FLRT1: variants seen among roughly 807,000 people sequenced by gnomAD.
FLRT1 encodes leucine-rich repeat transmembrane protein FLRT1.
A neutral mutation model predicts 30.9 loss-of-function variants in FLRT1; 14 were observed. That is an observed-to-expected ratio of 0.45 (90% CI 0.30 to 0.71). The LOEUF (loss-of-function observed/expected upper bound fraction) is 0.71, where lower values mean the gene tolerates loss of function less well. Ranked by LOEUF, FLRT1 falls within the 30% of genes least tolerant of loss-of-function variation. FLRT1 has a pLI of 0.08. For missense variants in FLRT1, 737 were observed against 949.2 expected, an observed-to-expected ratio of 0.78 and a Z score of 2.94; for synonymous variants, 368 against 430.4, an observed-to-expected ratio of 0.85 and a Z score of 1.80.
chr11:64,113,582 CATGGATGGATGGATGGTTAGGTGGATGG>C (rs1944902138), intron 2 of FLRT1, among the ~76,000 whole-genome samples: 7 of 99,218 alleles, frequency 7.1e-5, no homozygotes, highest in Non-Finnish European at 1.0e-4. Flanking sequence ...GCATGGATAG[CATGGATGGATGGATGGTTAGGTGGATGG>C]ATGGATGGAT....
chr11:64,110,463 A>G (rs1046796787), intron 2 of FLRT1, among the ~76,000 whole-genome samples: 1 of 151,420 alleles, frequency 6.6e-6, no homozygotes, highest in African/African-American at 2.4e-5. Context: ...AAAAAAAAAA[A>G]GAAAGAAATC....
intron 1 of FLRT1, among the ~76,000 whole-genome samples, chr11:64,098,333 C>T (rs1944614128): frequency 6.6e-6 from 1 of 152,172 alleles, no homozygotes; most frequent in South Asian, 2.1e-4. Flanking sequence ...GGACACTGAC[C>T]TCTCACTATA....
Position 64,116,241 on chromosome 11 carries a change from G to T in FLRT1, c.-27G>T. ...CAGGTATTCAGGCTCCAGGCCAGGTGGGGCCGGACGCCCCCAGCCATCCAC... is the reference window on the plus strand; with the variant it reads ...CAGGTATTCAGGCTCCAGGCCAGGTTGGGCCGGACGCCCCCAGCCATCCAC... On this transcript the variant is annotated 5_prime_UTR_variant, in exon 3 of 3. Coordinates refer to ENST00000682287, the MANE Select transcript of FLRT1 (RefSeq NM_013280.5). The T allele has an allele frequency of 6.3e-7, 1 of 1,579,140 alleles. No individual in the cohort carries two copies.
At chr11:64,108,854 C>A (rs1310906422) in intron 2 of FLRT1, among the ~76,000 whole-genome samples, 1 of 152,142 alleles carries the variant, frequency 6.6e-6, no homozygotes, top group Non-Finnish European at 1.5e-5. Context: ...CCAAAGGACC[C>A]CAGGGTCTGC....
At chr11:64,100,993 C>T (rs1334505055) in intron 1 of FLRT1, among the ~76,000 whole-genome samples, 2 of 152,140 alleles carry the variant, frequency 1.3e-5, no homozygotes, top group Non-Finnish European at 2.9e-5. Flanking sequence ...TTATTAAGCA[C>T]CAACTGCATG....
intron 1 of FLRT1, among the ~76,000 whole-genome samples, chr11:64,101,684 G>C (rs558478273): frequency 2.6e-5 from 4 of 152,308 alleles, no homozygotes; most frequent in East Asian, 1.9e-4. Context: ...GCTCGTGCTA[G>C]AGCCGGCCGC....
In FLRT1 at chr11:64,090,807, G is replaced by A. The variant is rs182406063; in HGVS notation, c.-1037-12387G>A. Among the ~76,000 whole-genome samples, 911 of 152,064 alleles carry A rather than the reference G, an allele frequency of 6.0e-3. 8 individuals carry two copies. Among genetic ancestry groups the A allele is most frequent in the African/African-American group, 0.02 (842 of 41,470 alleles). ...CCAGGCACTTGGGGTTTGTCTCTGG[G>A]GCTCTGCAGAAGCAGAGCCCGAGTC... On this transcript the variant is annotated intron_variant, in intron 1 of 2. Transcript: ENST00000682287. The surrounding 1 kb of genome is among the most constrained non-coding windows in gnomAD (Gnocchi z 4.7).
chr11:64,094,023 G>A (rs375970717), intron 1 of FLRT1, among the ~76,000 whole-genome samples: 5 of 152,228 alleles, frequency 3.3e-5, no homozygotes, highest in Non-Finnish European at 7.3e-5. Context: ...AGGGCCGGGC[G>A]CAGTGGCTTA....
intron 1 of FLRT1, among the ~76,000 whole-genome samples, chr11:64,070,147 C>T (rs142156266): frequency 4.6e-5 from 7 of 152,212 alleles, no homozygotes; most frequent in Admixed American, 1.3e-4. Flanking sequence ...AACTGAGGCC[C>T]GGAGAGACCA....
In FLRT1 at chr11:64,103,988, G is replaced by T. The variant is rs11231696; in HGVS notation, c.-243G>T. ...CCTCTCTGTGCCCTGGGGAGCCCCA[G>T]TGCTGCCCAGTCACCCCAGGGCTGA... is the stretch of plus-strand genomic sequence containing the variant. On this transcript the variant is annotated 5_prime_UTR_variant, in exon 2 of 3. Coordinates refer to ENST00000682287, the MANE Select transcript of FLRT1 (RefSeq NM_013280.5). The T allele has an allele frequency of 0.089, 13,525 of 152,388 alleles. 1,973 individuals are homozygous for T. The highest frequency in any genetic ancestry group is 0.31 in the African/African-American group (12,665 of 41,476). 9.4% of individuals were successfully genotyped at this position (152,388 alleles called of 1,614,324 possible). A position where few individuals can be genotyped will look rare whatever the true frequency, so the allele number is the denominator to read the frequency against.
Position 64,118,541 on chromosome 11 carries a change from G to A in FLRT1, c.*249G>A. 1 of 446,220 alleles carries A rather than the reference G, an allele frequency of 2.2e-6. No individual in the cohort carries two copies. The highest frequency in any genetic ancestry group is 6.8e-5 in the South Asian group (1 of 14,610). The allele number at this position is 446,220 out of a possible 1,614,324, so 27.6% of individuals were successfully genotyped here. On this transcript the variant is annotated 3_prime_UTR_variant, in exon 3 of 3. Coordinates refer to ENST00000682287, the MANE Select transcript of FLRT1 (RefSeq NM_013280.5). The stretch of plus-strand genomic sequence containing the variant: ...GAAGACATAATTTATACCAAGTTAT[G>A]CCAGTTGGGGAGGGAAGGACTAAAA...
At chr11:64,095,982 C>CG (rs965327314) in intron 1 of FLRT1, among the ~76,000 whole-genome samples, 6 of 34,356 alleles carry the variant, frequency 1.7e-4, no homozygotes, top group Non-Finnish European at 7.6e-4. Context: ...CCCCCCACCC[C>CG]CCAGGGGCCC....
intron 1 of FLRT1, among the ~76,000 whole-genome samples, chr11:64,052,378 G>C (rs920651598): frequency 6.6e-6 from 1 of 152,212 alleles, no homozygotes; most frequent in Non-Finnish European, 1.5e-5. Flanking sequence ...AGTCTCACTA[G>C]GCTGCCCAGG....
At position 64,116,788 on chromosome 11, in the gene FLRT1, C is replaced by T; in HGVS notation, c.521C>T (p.Ala174Val). 6.2e-7 allele frequency: 1 copy of T among 1,613,606 alleles called. No individual in the cohort carries two copies. The highest frequency in any genetic ancestry group is 1.1e-5 in the South Asian group (1 of 91,088). ...GTCAGCATTGAGGAGGACGCCTTCG[C>T]CGACAGCAAACAGCTCAAGCTGCTC... ...STVSIEEDAFADSKQLKLLFL... is the reference protein window; with the variant it reads ...STVSIEEDAFVDSKQLKLLFL... Residue 174 changes from alanine (A) to valine (V), a missense_variant, in exon 3 of 3, where the codon GCC becomes GTC. Transcript: ENST00000682287.
intron 1 of FLRT1, among the ~76,000 whole-genome samples, chr11:64,040,757 T>G (rs1175779667): frequency 2.0e-5 from 3 of 151,950 alleles, no homozygotes; most frequent in Non-Finnish European, 4.4e-5. Flanking sequence ...ATGTTCCCGG[T>G]GCAGGGAAGT....
At chr11:64,095,947 T>C (rs1292081361) in intron 1 of FLRT1, among the ~76,000 whole-genome samples, 1 of 147,630 alleles carries the variant, frequency 6.8e-6, no homozygotes, top group African/African-American at 2.5e-5. Context: ...CCTCGCTTTC[T>C]CCCTGGGGAG....
At chr11:64,101,542 C>T (rs1048613416) in intron 1 of FLRT1, among the ~76,000 whole-genome samples, 11 of 152,196 alleles carry the variant, frequency 7.2e-5, no homozygotes, top group East Asian at 1.9e-4. Flanking sequence ...CCACCCCCAT[C>T]GGTATAAAAC....
In FLRT1 at chr11:64,088,319, C is replaced by T. The variant is rs117422055; in HGVS notation, c.-1037-14875C>T. On this transcript the variant is annotated intron_variant, in intron 1 of 2. Coordinates refer to ENST00000682287, the MANE Select transcript of FLRT1 (RefSeq NM_013280.5). ...TGCGTCACTAGGCTCGGTGGCCAGG[C>T]GGGGCCAGGGAGGGGCAGCATAGAC... is the stretch of plus-strand genomic sequence containing the variant. Among the ~76,000 whole-genome samples the T allele has an allele frequency of 9.9e-5, 15 of 152,076 alleles. 1 individual carries two copies. Among genetic ancestry groups the T allele is most frequent in the African/African-American group, 2.9e-4 (12 of 41,488 alleles).
chr11:64,118,063 A>G lies in FLRT1; in HGVS notation c.1796A>G (p.Asp599Gly), dbSNP rs1945026234. The part of the protein sequence containing the change: ...AYNRGSRKKD[D>G]YMESGTKKDN... ...AACCGGGGCAGCAGGAAAAAGGATG[A>G]CTATATGGAGTCAGGGACCAAGAAG... The change falls in exon 3 of 3, where the codon GAC becomes GGC. Residue 599 changes from aspartate (D) to glycine (G), a missense_variant. By Grantham distance (94) the Asp-to-Gly change is moderately conservative (BLOSUM62 -1). Coordinates refer to ENST00000682287, the MANE Select transcript of FLRT1 (RefSeq NM_013280.5). 6.2e-7 allele frequency: 1 copy of G among 1,613,324 alleles called. No individual in the cohort carries two copies.
Sources: allele counts gnomAD v4.1 joint callset (sites outside exome capture counted in the v4.1 genomes callset), GRCh38; gene constraint gnomAD v4.1.1; non-coding constraint Gnocchi (gnomAD v3.1); transcripts MANE v1.5; gene names NCBI Gene and HGNC (gene_info 2026-07-23, HGNC 2026-07-21).